Variants in FHIT observed in about 807,000 individuals in gnomAD.
The protein encoded by FHIT is fragile histidine triad diadenosine triphosphatase.
In FHIT, 19 loss-of-function variants were observed where a neutral mutation model predicts 17.9. The ratio of observed to expected loss-of-function variants is 1.06; its 90% CI spans 0.74 to 1.56. The LOEUF (loss-of-function observed/expected upper bound fraction) is 1.56. FHIT is among the 40% of genes most tolerant of loss of function. The probability of loss-of-function intolerance (pLI) is 0.00; values close to 1 mark genes in which losing one functional copy is unlikely to be tolerated. For missense variants in FHIT, 248 were observed against 189.2 expected (o/e 1.31, Z -1.82); for synonymous variants, 81 against 69.7 (o/e 1.16, Z -0.81).
intron 5 of FHIT, among the ~76,000 whole-genome samples, chr3:60,176,752 T>C (rs1052999137): frequency 6.6e-6 from 1 of 152,186 alleles, no homozygotes; most frequent in African/African-American, 2.4e-5. Flanking sequence ...CAGAGAGATT[T>C]AGCACGAGGA....
intron 4 of FHIT, among the ~76,000 whole-genome samples, chr3:60,572,034 TG>T (rs532051473): frequency 2.8e-4 from 43 of 151,988 alleles, no homozygotes; most frequent in Admixed American, 4.6e-4. Context: ...TTCTTTTTTT[TG>T]GGGGGGAAGA....
intron 3 of FHIT, among the ~76,000 whole-genome samples, chr3:60,889,229 G>A (rs1176408092): frequency 4.6e-5 from 7 of 152,102 alleles, no homozygotes; most frequent in South Asian, 4.2e-4. Context: ...AATTAGTTTC[G>A]CCTGCGTGGT....
At chr3:60,523,872 AGTT>A (rs2035470439) in intron 5 of FHIT, among the ~76,000 whole-genome samples, 1 of 152,184 alleles carries the variant, frequency 6.6e-6, no homozygotes, top group Non-Finnish European at 1.5e-5. Flanking sequence ...GATGAATATT[AGTT>A]ATGTCTCCAA....
chr3:60,709,912 T>C (rs1489312828), intron 4 of FHIT, among the ~76,000 whole-genome samples: 2 of 152,140 alleles, frequency 1.3e-5, no homozygotes, highest in Non-Finnish European at 2.9e-5. Context: ...ATAGTTTGTC[T>C]TTCAATGCTT....
intron 1 of FHIT, among the ~76,000 whole-genome samples, chr3:61,208,026 G>T (rs367919937): frequency 1.3e-5 from 2 of 151,992 alleles, no homozygotes; most frequent in Non-Finnish European, 2.9e-5. Flanking sequence ...CTTTGTTCTC[G>T]TTGGTTTCAA....
intron 5 of FHIT, among the ~76,000 whole-genome samples, chr3:60,523,466 C>A (rs572767832): frequency 4.0e-5 from 6 of 151,898 alleles, no homozygotes; most frequent in African/African-American, 1.5e-4. Context: ...AATAATAAAT[C>A]AGAAGAAGGT....
intron 4 of FHIT, among the ~76,000 whole-genome samples, chr3:60,765,765 C>A (rs193027675): frequency 6.6e-6 from 1 of 152,328 alleles, no homozygotes; most frequent in East Asian, 1.9e-4. Context: ...AAAGATCCAC[C>A]TTCAGTGTGG....
chr3:59,906,896 TAA>T (rs1446362369), intron 8 of FHIT, among the ~76,000 whole-genome samples: 2 of 152,252 alleles, frequency 1.3e-5, no homozygotes, highest in Non-Finnish European at 2.9e-5. Flanking sequence ...CAGTGAATTT[TAA>T]AAGTCAGCTG....
rs184537016 is a variant in FHIT at position 60,545,575 on chromosome 3, T to C, written c.-17-8596A>G. Among the ~76,000 whole-genome samples, 4 of 152,320 alleles carry C rather than the reference T, an allele frequency of 2.6e-5. No individual in the cohort carries two copies. In the East Asian group the frequency reaches 5.8e-4, roughly 22 times the overall value. The stretch of plus-strand genomic sequence containing the variant: ...TTTATTATCACTCCGCTCTAAAACT[T>C]TGCTATTCTTGTTATTATTTCCTAT... On this transcript the variant is annotated intron_variant, in intron 4 of 9. Coordinates refer to ENST00000492590, the MANE Select transcript of FHIT (RefSeq NM_002012.4).
chr3:60,092,533 C>A lies in FHIT; in HGVS notation c.104-78381G>T, dbSNP rs1703775709. Among the ~76,000 whole-genome samples the A allele has an allele frequency of 2.0e-5, 3 of 152,162 alleles. No homozygotes were observed. In the South Asian group the frequency reaches 6.2e-4, roughly 32 times the overall value. On this transcript the variant is annotated intron_variant, in intron 5 of 9. Transcript: ENST00000492590. ...CTAAAAAGTATGTGAAACATGATAG[C>A]ATTTCTAGATTGATTCCATTCAGAG... is the stretch of plus-strand genomic sequence containing the variant.
chr3:60,441,809 T>A (rs1390857254), intron 5 of FHIT, among the ~76,000 whole-genome samples: 3 of 119,216 alleles, frequency 2.5e-5, no homozygotes, highest in South Asian at 3.2e-4. Flanking sequence ...TATATATATA[T>A]ATATATCAGG....
intron 5 of FHIT, among the ~76,000 whole-genome samples, chr3:60,473,879 C>T (rs779613764): frequency 1.3e-4 from 19 of 151,646 alleles, no homozygotes; most frequent in Admixed American, 3.3e-4. Flanking sequence ...GCTGAGATCA[C>T]GCCATTGCAC....
intron 3 of FHIT, among the ~76,000 whole-genome samples, chr3:61,028,745 G>A (rs538352152): frequency 3.3e-5 from 5 of 152,242 alleles, no homozygotes; most frequent in African/African-American, 1.2e-4. Context: ...ATTCAAAAGT[G>A]CTCACTCAAT....
At chr3:60,287,088 T>G (rs1196313839) in intron 5 of FHIT, among the ~76,000 whole-genome samples, 1 of 152,228 alleles carries the variant, frequency 6.6e-6, no homozygotes, top group South Asian at 2.1e-4. Flanking sequence ...TCCTTAAATG[T>G]TGAACTCAGT....
chr3:60,849,029 T>C (rs782268637), intron 3 of FHIT, among the ~76,000 whole-genome samples: 17 of 152,170 alleles, frequency 1.1e-4, no homozygotes, highest in Non-Finnish European at 2.5e-4. Flanking sequence ...AATACATTCC[T>C]TTTAAAGTAT....
chr3:60,115,397 T>G (rs1258136884), intron 5 of FHIT, among the ~76,000 whole-genome samples: 1 of 152,200 alleles, frequency 6.6e-6, no homozygotes, highest in Non-Finnish European at 1.5e-5. Context: ...TTAACTACCA[T>G]ATGATAAAAT....
At chr3:60,207,325 C>G (rs1002550488) in intron 5 of FHIT, among the ~76,000 whole-genome samples, 3 of 152,114 alleles carry the variant, frequency 2.0e-5, no homozygotes, top group Non-Finnish European at 4.4e-5. Context: ...GCCATCTCAA[C>G]AATCGTGTCC....
chr3:60,302,051 G>A (rs1345823902), intron 5 of FHIT, among the ~76,000 whole-genome samples: 1 of 152,056 alleles, frequency 6.6e-6, no homozygotes, highest in African/African-American at 2.4e-5. Context: ...TAATATTTTT[G>A]CCTCTACTTT....
At chr3:60,176,429 A>G (rs926926207) in intron 5 of FHIT, among the ~76,000 whole-genome samples, 1 of 152,340 alleles carries the variant, frequency 6.6e-6, no homozygotes, top group East Asian at 1.9e-4. Flanking sequence ...ATTAATTAGT[A>G]AAGAATATAG....
Sources: allele counts gnomAD v4.1 joint callset (sites outside exome capture counted in the v4.1 genomes callset), GRCh38; gene constraint gnomAD v4.1.1; transcripts MANE v1.5; gene names NCBI Gene and HGNC (gene_info 2026-07-23, HGNC 2026-07-21).